The following ARID1B variants were observed in gnomAD, a reference collection of about 807,000 sequenced individuals.
The protein encoded by ARID1B is AT-rich interaction domain 1B.
ARID1B carries 30 observed loss-of-function variants against 212.3 expected under a neutral mutation model. The ratio of observed to expected loss-of-function variants is 0.14; its 90% CI spans 0.11 to 0.19. ARID1B has a LOEUF of 0.19. Ranked by LOEUF, ARID1B falls within the 10% of genes least tolerant of loss-of-function variation. The pLI, the probability that ARID1B is intolerant of heterozygous loss-of-function variation, is 1.00. For missense variants in ARID1B, 2,891 were observed against 3,204.0 expected (o/e 0.90, Z 2.36); for synonymous variants, 1,402 against 1,301.7 (o/e 1.08, Z -1.66).
chr6:157,090,362 A>G (rs1273489584), intron 5 of ARID1B, among the ~76,000 whole-genome samples: 2 of 152,176 alleles, frequency 1.3e-5, no homozygotes, highest in African/African-American at 4.8e-5. Context: ...GTAACTGAAA[A>G]TTCCTGAATA....
chr6:156,868,459 A>G (rs1441550546), intron 2 of ARID1B, among the ~76,000 whole-genome samples: 1 of 152,254 alleles, frequency 6.6e-6, no homozygotes, highest in Non-Finnish European at 1.5e-5. Context: ...AAAAGCAGAA[A>G]TGTATTTCTC....
intron 7 of ARID1B, among the ~76,000 whole-genome samples, chr6:157,141,703 A>AG (rs1446657989): frequency 5.3e-5 from 8 of 152,172 alleles, no homozygotes; most frequent in African/African-American, 1.4e-4. Flanking sequence ...AATCCTCAAA[A>AG]TTTTTTTCAT....
Position 157,209,977 on chromosome 6 carries a change from C to A in ARID1B, c.*2086C>A, listed in dbSNP as rs1794682959. On this transcript the variant is annotated 3_prime_UTR_variant, in exon 20 of 20. Coordinates refer to ENST00000636930, the MANE Select transcript of ARID1B (RefSeq NM_001374828.1). ...TCCCAATCACAGTATACTCAGAATC[C>A]CCAGCCCCTCGCATACATTGTGTCG... The A allele has an allele frequency of 4.3e-6, 1 of 233,064 alleles. No homozygotes were observed. Among genetic ancestry groups the A allele is most frequent in the African/African-American group, 2.2e-5 (1 of 45,324 alleles). 14.4% of individuals were successfully genotyped at this position (233,064 alleles called of 1,614,324 possible).
intron 1 of ARID1B, among the ~76,000 whole-genome samples, chr6:156,806,832 T>C (rs1209230418): frequency 2.0e-5 from 3 of 152,236 alleles, no homozygotes; most frequent in African/African-American, 7.2e-5. Context: ...AGATGATGTT[T>C]GTTTCAACTA....
At position 156,901,579 on chromosome 6, in the gene ARID1B, C is replaced by T. The variant is rs6913915; in HGVS notation, c.2136+54C>T. On this transcript the variant is annotated intron_variant, in intron 3 of 19. Coordinates refer to ENST00000636930, the MANE Select transcript of ARID1B (RefSeq NM_001374828.1). Reference sequence around the variant, plus strand: ...CCTGTTTTCTCCACCAAGGCAGACCCGGCTCTGAATCATCTTCCTGTCCTT... The same window carrying T: ...CCTGTTTTCTCCACCAAGGCAGACCTGGCTCTGAATCATCTTCCTGTCCTT... 4,475 of 1,556,744 alleles carry T rather than the reference C, an allele frequency of 2.9e-3. 118 individuals carry two copies. The African/African-American group carries it at 0.053, about 18-fold the overall frequency.
intron 4 of ARID1B, among the ~76,000 whole-genome samples, chr6:157,069,921 A>G (rs1449004101): frequency 6.6e-6 from 1 of 152,202 alleles, no homozygotes; most frequent in East Asian, 1.9e-4. Flanking sequence ...TCTCCTTGGA[A>G]ATTGTAGTTG....
intron 1 of ARID1B, among the ~76,000 whole-genome samples, chr6:156,805,500 C>T (rs952034841): frequency 6.6e-6 from 1 of 152,084 alleles, no homozygotes; most frequent in South Asian, 2.1e-4. Context: ...GGAAACCTAG[C>T]AGGTTTACAC....
chr6:157,061,201 A>T (rs916036761), intron 4 of ARID1B, among the ~76,000 whole-genome samples: 2 of 152,172 alleles, frequency 1.3e-5, no homozygotes, highest in Admixed American at 1.3e-4. Context: ...TCATATATTT[A>T]TTTTTACTGC....
intron 2 of ARID1B, among the ~76,000 whole-genome samples, chr6:156,869,271 A>T (rs982021532): frequency 9.2e-5 from 14 of 151,962 alleles, no homozygotes; most frequent in Non-Finnish European, 1.9e-4. Flanking sequence ...AGATTAACAA[A>T]TTTTTTTTGT....
chr6:156,842,528 T>G (rs917113731), intron 2 of ARID1B, among the ~76,000 whole-genome samples: 1 of 152,252 alleles, frequency 6.6e-6, no homozygotes, highest in East Asian at 1.9e-4. Context: ...ACATTTGGGT[T>G]GTTTCCACCT....
At chr6:157,009,813 C>A (rs62422651) in intron 4 of ARID1B, among the ~76,000 whole-genome samples, 41,691 of 152,128 alleles carry the variant, frequency 0.27, 6,064 homozygotes, top group Non-Finnish European at 0.32. Context: ...CAGCAAGGCA[C>A]AGAGAGGTTA....
intron 10 of ARID1B, 153 bp downstream of exon 10, chr6:157,174,270 T>C: frequency 3.2e-6 from 2 of 630,394 alleles, no homozygotes; most frequent in South Asian, 4.1e-5. Context: ...TCTTCTTTTC[T>C]TTCCCCAGCC....
rs753507388 is a variant in ARID1B at position 157,206,193 on chromosome 6, C to T, written c.5421C>T (p.Val1807=). The T allele has an allele frequency of 1.1e-5, 17 of 1,613,934 alleles. No homozygotes were observed. The highest frequency in any genetic ancestry group is 2.7e-5 in the African/African-American group (2 of 74,876). Residue 1807 remains valine (V), a synonymous_variant, in exon 20 of 20, where the codon GTC becomes GTT. Coordinates refer to ENST00000636930, the MANE Select transcript of ARID1B (RefSeq NM_001374828.1). The surrounding 1 kb of genome is among the most constrained non-coding windows in gnomAD (Gnocchi z 6.8). ...SQLSGFLELL[V]EYFRKCLIDI... ...TGTCTGGATTTCTCGAACTTTTAGT[C>T]GAGTACTTTAGAAAATGCCTGATTG...
intron 4 of ARID1B, among the ~76,000 whole-genome samples, chr6:156,995,603 C>T (rs191676857): frequency 1.2e-4 from 19 of 152,176 alleles, no homozygotes; most frequent in Non-Finnish European, 1.9e-4. Flanking sequence ...ACTTAGTAAC[C>T]TTTTTGAGCT....
chr6:156,962,890 C>T (rs971352780), intron 4 of ARID1B, among the ~76,000 whole-genome samples: 1 of 152,032 alleles, frequency 6.6e-6, no homozygotes, highest in South Asian at 2.1e-4. Context: ...TCAAGCAATT[C>T]ACCTGCCTCA....
Position 157,201,201 on chromosome 6 carries a change from C to G in ARID1B, c.4976C>G (p.Pro1659Arg), listed in dbSNP as rs1353499186. Residue 1659 changes from proline (P) to arginine (R), a missense_variant, in exon 18 of 20, where the codon CCA becomes CGA. Pro to Arg is a moderately radical substitution (Grantham distance 103). Around this residue, in one of 7 missense-constraint regions of ARID1B, gnomAD observed 666 missense variants for 873.5 expected, o/e 0.76. Coordinates refer to ENST00000636930, the MANE Select transcript of ARID1B (RefSeq NM_001374828.1). This position sits in a 1 kb window ranked among gnomAD's most constrained non-coding sequence, Gnocchi z 5.2. ...TCCATGCAGCCCATCACACGCCCAC[C>G]ACAGCCGTCCTACCAGACGCCACCG... is the stretch of plus-strand genomic sequence containing the variant. ...SASMQPITRP[P>R]QPSYQTPPSL... 13 of 1,613,870 alleles carry G rather than the reference C, an allele frequency of 8.1e-6. No homozygotes were observed. Among genetic ancestry groups the G allele is most frequent in the Non-Finnish European group, 1.1e-5 (13 of 1,179,804 alleles).
intron 6 of ARID1B, among the ~76,000 whole-genome samples, chr6:157,129,974 G>A (rs931074330): frequency 1.3e-5 from 2 of 152,110 alleles, no homozygotes; most frequent in South Asian, 2.1e-4. Context: ...TTCGAGACCA[G>A]CCTGGCCAAC....
intron 2 of ARID1B, among the ~76,000 whole-genome samples, chr6:156,886,821 A>G (rs554783633): frequency 5.3e-5 from 8 of 152,234 alleles, no homozygotes; most frequent in Middle Eastern, 3.2e-3. Context: ...ATTTAAAACA[A>G]TAGCTCATTG....
rs1195488781 is a variant in ARID1B at position 157,208,880 on chromosome 6, A to AC, written c.*989_*990insC. Reference sequence around the variant, plus strand: ...GAAAAAATACAAAAAACAAAAACAAAAAAAAAAGAGGGTAATGTACAAGTT... The same window carrying AC: ...GAAAAAATACAAAAAACAAAAACAAACAAAAAAAGAGGGTAATGTACAAGTT... On this transcript the variant is annotated 3_prime_UTR_variant, in exon 20 of 20. Coordinates refer to ENST00000636930, the MANE Select transcript of ARID1B (RefSeq NM_001374828.1). The AC allele has an allele frequency of 3.1e-5, 7 of 227,926 alleles. No individual in the cohort carries two copies. The highest frequency in any genetic ancestry group is 1.6e-4 in the African/African-American group (7 of 45,050). 14.1% of individuals were successfully genotyped at this position (227,926 alleles called of 1,614,324 possible). A position where few individuals can be genotyped will look rare whatever the true frequency, so the allele number is the denominator to read the frequency against.
Sources: allele counts gnomAD v4.1 joint callset (sites outside exome capture counted in the v4.1 genomes callset), GRCh38; gene constraint gnomAD v4.1.1; regional missense constraint gnomAD v4.1.1; non-coding constraint Gnocchi (gnomAD v3.1); transcripts MANE v1.5; gene names NCBI Gene and HGNC (gene_info 2026-07-23, HGNC 2026-07-21).